The following NLGN1 variants were observed in gnomAD, a reference collection of about 807,000 sequenced individuals.
NLGN1 encodes the protein neuroligin 1, also known as neuroligin-1.
In NLGN1, 12 loss-of-function variants were observed where a neutral mutation model predicts 65.5. That is an observed-to-expected ratio of 0.18 (90% CI 0.12 to 0.30). The LOEUF is 0.30. Ranked by LOEUF, NLGN1 falls within the 10% of genes least tolerant of loss-of-function variation. The pLI is 1.00. For synonymous variants in NLGN1, 350 were observed against 359.5 expected, an observed-to-expected ratio of 0.97 and a Z score of 0.30; for missense variants, 750 against 1,007.1, an observed-to-expected ratio of 0.74 and a Z score of 3.46.
At chr3:174,078,638 A>T (rs1741506251) in intron 4 of NLGN1, among the ~76,000 whole-genome samples, 1 of 152,106 alleles carries the variant, frequency 6.6e-6, no homozygotes, top group Admixed American at 6.6e-5. Flanking sequence ...CTTCCTACCT[A>T]TGTAGCATTA....
intron 4 of NLGN1, among the ~76,000 whole-genome samples, chr3:174,060,115 A>ATTTC (rs888835272): frequency 5.9e-5 from 9 of 152,116 alleles, no homozygotes; most frequent in Middle Eastern, 3.4e-3. Context: ...AAAAATTTGT[A>ATTTC]TTTCTACATG....
chr3:173,799,409 T>G (rs931826373), intron 3 of NLGN1, among the ~76,000 whole-genome samples: 2 of 151,986 alleles, frequency 1.3e-5, no homozygotes, highest in African/African-American at 4.8e-5. Context: ...TTAGCATTGT[T>G]AAGTATAATA....
At chr3:174,034,602 G>A (rs1412843114) in intron 4 of NLGN1, among the ~76,000 whole-genome samples, 1 of 152,070 alleles carries the variant, frequency 6.6e-6, no homozygotes, top group Non-Finnish European at 1.5e-5. Context: ...AAGTGGTATA[G>A]TGTTATTTGA....
chr3:173,998,631 G>T (rs1294109675), intron 4 of NLGN1, among the ~76,000 whole-genome samples: 1 of 152,128 alleles, frequency 6.6e-6, no homozygotes, highest in Admixed American at 6.5e-5. Context: ...CATGTGTTAA[G>T]AATTAAGTCT....
chr3:174,249,222 C>T (rs1323761025), intron 4 of NLGN1, among the ~76,000 whole-genome samples: 1 of 152,190 alleles, frequency 6.6e-6, no homozygotes, highest in Non-Finnish European at 1.5e-5. Context: ...TAGCCATAAG[C>T]TGAGAACTGC....
At chr3:173,453,225 C>G (rs115736592) in intron 2 of NLGN1, among the ~76,000 whole-genome samples, 4,232 of 151,666 alleles carry the variant, frequency 0.028, 207 homozygotes, top group African/African-American at 0.094. Context: ...GTAGCTGGGA[C>G]TACAGGTGTA....
intron 4 of NLGN1, among the ~76,000 whole-genome samples, chr3:174,162,580 C>T (rs1225465769): frequency 1.3e-5 from 2 of 151,860 alleles, no homozygotes; most frequent in Non-Finnish European, 2.9e-5. Context: ...TGAATTTAAT[C>T]AAGATTTTAT....
chr3:173,870,374 T>G (rs1178520323), intron 4 of NLGN1, among the ~76,000 whole-genome samples: 1 of 152,118 alleles, frequency 6.6e-6, no homozygotes, highest in Non-Finnish European at 1.5e-5. Flanking sequence ...AATGACTAAG[T>G]GTTGAAAGAA....
intron 4 of NLGN1, among the ~76,000 whole-genome samples, chr3:174,002,319 G>T (rs1013273833): frequency 1.3e-5 from 2 of 152,004 alleles, no homozygotes; most frequent in Non-Finnish European, 2.9e-5. Context: ...GTAGAGATAG[G>T]GTTTCACCAT....
chr3:173,917,214 G>A lies in NLGN1; in HGVS notation c.646+109382G>A, dbSNP rs189071959. ...TTCACTGTATGAGAAGGGATTTCATGGATTTTATAATAAAGGAAGATTACA... is the reference window on the plus strand; with the variant it reads ...TTCACTGTATGAGAAGGGATTTCATAGATTTTATAATAAAGGAAGATTACA... On this transcript the variant is annotated intron_variant, in intron 4 of 6. Coordinates refer to ENST00000457714, the Ensembl canonical transcript of NLGN1. Among the ~76,000 whole-genome samples the A allele has an allele frequency of 2.0e-5, 3 of 152,138 alleles. No homozygotes were observed. The East Asian group carries it at 5.8e-4, about 29-fold the overall frequency.
intron 3 of NLGN1, among the ~76,000 whole-genome samples, chr3:173,735,147 G>T (rs1022368535): frequency 2.0e-5 from 3 of 152,018 alleles, no homozygotes; most frequent in African/African-American, 7.3e-5. Flanking sequence ...CCAGTTTCCA[G>T]GTTCCTGTAA....
At chr3:173,894,453 C>T (rs1477214883) in intron 4 of NLGN1, among the ~76,000 whole-genome samples, 1 of 152,064 alleles carries the variant, frequency 6.6e-6, no homozygotes. Flanking sequence ...CATTCATTCT[C>T]CTGTATGATT....
At chr3:173,964,828 A>C (rs1714444409) in intron 4 of NLGN1, among the ~76,000 whole-genome samples, 1 of 152,202 alleles carries the variant, frequency 6.6e-6, no homozygotes, top group Non-Finnish European at 1.5e-5. Flanking sequence ...CTTGAAAAAC[A>C]AGCACGGAAA....
intron 4 of NLGN1, among the ~76,000 whole-genome samples, chr3:173,999,049 C>T (rs186921676): frequency 6.6e-6 from 1 of 152,314 alleles, no homozygotes; most frequent in Non-Finnish European, 1.5e-5. Context: ...AATCTTCAGG[C>T]ATAGAGCATG....
chr3:174,060,951 G>T (rs529563436), intron 4 of NLGN1, among the ~76,000 whole-genome samples: 1 of 152,000 alleles, frequency 6.6e-6, no homozygotes, highest in East Asian at 1.9e-4. Context: ...GGTTTGTTGA[G>T]GGTAGCTTAC....
intron 4 of NLGN1, among the ~76,000 whole-genome samples, chr3:173,854,261 A>G (rs11919664): frequency 0.58 from 87,295 of 151,814 alleles, 27,656 homozygotes; most frequent in Non-Finnish European, 0.74. Flanking sequence ...AATTAAAGTA[A>G]TCATATTTGC....
intron 4 of NLGN1, among the ~76,000 whole-genome samples, chr3:173,852,663 T>C (rs1727204149): frequency 1.3e-5 from 2 of 152,190 alleles, no homozygotes. Flanking sequence ...TTATAACATA[T>C]TGTTCACCAA....
At chr3:174,259,952 G>T (rs968727282) in intron 4 of NLGN1, among the ~76,000 whole-genome samples, 8 of 150,564 alleles carry the variant, frequency 5.3e-5, no homozygotes, top group South Asian at 2.1e-4. Flanking sequence ...TTTTGTTCTT[G>T]TGATAGTTTA....
At chr3:174,181,291 T>A (rs1447652722) in intron 4 of NLGN1, among the ~76,000 whole-genome samples, 1 of 152,168 alleles carries the variant, frequency 6.6e-6, no homozygotes, top group East Asian at 1.9e-4. Flanking sequence ...CCCTGCCTTT[T>A]TATCCACAGA....
Sources: allele counts gnomAD v4.1 joint callset (sites outside exome capture counted in the v4.1 genomes callset), GRCh38; gene constraint gnomAD v4.1.1; transcripts MANE v1.5; gene names NCBI Gene and HGNC (gene_info 2026-07-23, HGNC 2026-07-21).